Variants in RNF6 observed in about 807,000 individuals in gnomAD.
RNF6 encodes the protein ring finger protein 6.
A neutral mutation model predicts 50.1 loss-of-function variants in RNF6; 21 were observed. The observed-to-expected ratio is 0.42, with a 90% CI of 0.30 to 0.60. The LOEUF is 0.60. Ranked by LOEUF, RNF6 falls within the 20% of genes least tolerant of loss-of-function variation. The pLI is 0.20. For synonymous variants in RNF6, 255 were observed against 291.8 expected (o/e 0.87, Z 1.29); for missense variants, 698 against 838.2 (o/e 0.83, Z 2.07).
chr13:26,164,028 G>C (rs907571704), intron 5 of RNF6, among the ~76,000 whole-genome samples: 2 of 151,896 alleles, frequency 1.3e-5, no homozygotes, highest in African/African-American at 4.8e-5. Flanking sequence ...ATAATTCACT[G>C]GAAAAAATAC....
intron 5 of RNF6, among the ~76,000 whole-genome samples, chr13:26,157,926 A>G (rs56137727): frequency 1.4e-5 from 2 of 138,146 alleles, no homozygotes; most frequent in African/African-American, 2.9e-5. Context: ...ATGGATGGAT[A>G]GATGGATAGA....
intron 5 of RNF6, among the ~76,000 whole-genome samples, chr13:26,137,661 A>AC (rs1870722345): frequency 6.6e-6 from 1 of 151,086 alleles, no homozygotes; most frequent in African/African-American, 2.4e-5. Flanking sequence ...TATAAAAAAA[A>AC]AAAAAACAAA....
At chr13:26,200,155 A>G (rs955539880) in intron 5 of RNF6, among the ~76,000 whole-genome samples, 1 of 152,224 alleles carries the variant, frequency 6.6e-6, no homozygotes, top group Non-Finnish European at 1.5e-5. Context: ...TACCCAGTCT[A>G]TGGTATTCTG....
chr13:26,216,192 AGGTCT>A (rs1869855071), intron 4 of RNF6, among the ~76,000 whole-genome samples: 1 of 152,238 alleles, frequency 6.6e-6, no homozygotes, highest in Non-Finnish European at 1.5e-5. Context: ...AAGTTACTTA[AGGTCT>A]CTATGGCTGA....
At chr13:26,196,575 G>A (rs905039146) in intron 5 of RNF6, among the ~76,000 whole-genome samples, 9 of 152,120 alleles carry the variant, frequency 5.9e-5, no homozygotes, top group Middle Eastern at 3.4e-3. Flanking sequence ...GGAGGTTGCC[G>A]TGAGCAGAGA....
intron 5 of RNF6, among the ~76,000 whole-genome samples, chr13:26,206,457 T>C (rs571077670): frequency 6.6e-6 from 1 of 152,238 alleles, no homozygotes; most frequent in Non-Finnish European, 1.5e-5. Context: ...CTTGAACTGT[T>C]GAAGAACTCT....
Position 26,214,570 on chromosome 13 carries a change from T to C in RNF6, c.1312A>G (p.Ser438Gly), listed in dbSNP as rs765694604. The change falls in exon 5 of 5, where the codon AGT (serine) becomes GGT (glycine). Residue 438 changes from serine (S) to glycine (G), a missense_variant. Physicochemically the swap from Ser to Gly is moderately conservative, Grantham distance 56. Transcript: ENST00000381588. ...AENTVTIESN[S>G]GGFRRTISRL... is the part of the protein sequence containing the mutation. The stretch of plus-strand genomic sequence containing the variant: ...GAAATGGTTCGGCGAAAGCCCCCAC[T>C]ATTGCTTTCAATAGTGACTGTATTT... 8 of 1,614,072 alleles carry C rather than the reference T, an allele frequency of 5.0e-6. No individual in the cohort carries two copies. The East Asian group carries it at 8.9e-5, about 18-fold the overall frequency.
At chr13:26,160,932 G>A (rs114886374) in intron 5 of RNF6, among the ~76,000 whole-genome samples, 2,122 of 152,120 alleles carry the variant, frequency 0.014, 51 homozygotes, top group African/African-American at 0.047. Context: ...AGAATGGATC[G>A]GGGCTGACTT....
chr13:26,219,970 G>C (rs1418107065), intron 2 of RNF6, among the ~76,000 whole-genome samples: 1 of 152,164 alleles, frequency 6.6e-6, no homozygotes, highest in Non-Finnish European at 1.5e-5. Context: ...TTGACGATCT[G>C]GAAAAGTTGA....
In RNF6 at chr13:26,213,739, G is replaced by T; in HGVS notation, c.*85C>A. The stretch of plus-strand genomic sequence containing the variant: ...ATATAATCTGTTATTTTTCATCCTG[G>T]TTAGCTAATCACAAATAACTCAGCA... On this transcript the variant is annotated 3_prime_UTR_variant, in exon 5 of 5. Transcript: ENST00000381588. 3 of 1,099,018 alleles carry T rather than the reference G, an allele frequency of 2.7e-6. No homozygotes were observed. The highest frequency in any genetic ancestry group is 3.9e-6 in the Non-Finnish European group (3 of 771,206). 68.1% of individuals were successfully genotyped at this position (1,099,018 alleles called of 1,614,324 possible).
chr13:26,182,542 C>A (rs181082608), intron 5 of RNF6, among the ~76,000 whole-genome samples: 20 of 152,248 alleles, frequency 1.3e-4, no homozygotes, highest in Admixed American at 5.2e-4. Context: ...GCTGGGCATG[C>A]GGGCTTATGC....
intron 5 of RNF6, among the ~76,000 whole-genome samples, chr13:26,159,421 G>A (rs183913172): frequency 5.9e-5 from 9 of 151,980 alleles, no homozygotes; most frequent in Non-Finnish European, 7.4e-5. Context: ...TCAGCAGATC[G>A]AGACCATCCT....
intron 5 of RNF6, among the ~76,000 whole-genome samples, chr13:26,173,150 C>T (rs1231619575): frequency 6.6e-6 from 1 of 152,172 alleles, no homozygotes; most frequent in African/African-American, 2.4e-5. Context: ...TAAACGGATA[C>T]AACCATTGTA....
At chr13:26,181,733 C>T (rs529012096) in intron 5 of RNF6, among the ~76,000 whole-genome samples, 1 of 152,304 alleles carries the variant, frequency 6.6e-6, no homozygotes, top group Admixed American at 6.5e-5. Context: ...AGATAAAATG[C>T]TCCAATGCTT....
intron 5 of RNF6, among the ~76,000 whole-genome samples, chr13:26,182,908 T>C (rs1873309401): frequency 6.6e-6 from 1 of 152,218 alleles, no homozygotes; most frequent in African/African-American, 2.4e-5. Context: ...ATTTCTTTGG[T>C]GACCTTGAGT....
intron 5 of RNF6, among the ~76,000 whole-genome samples, chr13:26,190,089 T>C (rs575666603): frequency 1.6e-4 from 25 of 152,284 alleles, no homozygotes; most frequent in African/African-American, 5.3e-4. Flanking sequence ...AGGTAAATCT[T>C]TTCCTTGCCC....
At chr13:26,148,324 C>T (rs1293561542) in intron 5 of RNF6, among the ~76,000 whole-genome samples, 3 of 152,002 alleles carry the variant, frequency 2.0e-5, no homozygotes, top group Admixed American at 6.6e-5. Flanking sequence ...GACACAGATG[C>T]AAACCATGCC....
intron 2 of RNF6, among the ~76,000 whole-genome samples, chr13:26,220,004 C>G (rs1870311310): frequency 6.6e-6 from 1 of 152,180 alleles, no homozygotes; most frequent in Non-Finnish European, 1.5e-5. Context: ...ATTTATGTTT[C>G]AGGATCTGGG....
rs1402045916 is a variant in RNF6, at chr13:26,196,384, C to T, written n.768+19090G>A. On this transcript the variant is annotated intron_variant and non_coding_transcript_variant, in intron 5 of 5. Transcript: ENST00000468480. ...AACATTTTCAGGCCGGGTGTGGTGG[C>T]TCATGCCTGTAATCCCAGCACTTTG... is the stretch of plus-strand genomic sequence containing the variant. 5.3e-5 allele frequency among the ~76,000 whole-genome samples: 8 copies of T among 152,200 alleles called. No individual in the cohort carries two copies. In the East Asian group the frequency reaches 1.2e-3, roughly 22 times the overall value.
Sources: gnomAD v4.1 joint callset for allele counts (sites outside exome capture counted in the v4.1 genomes callset) on GRCh38, gnomAD v4.1.1 for gene constraint, MANE v1.5 for transcripts, NCBI Gene and HGNC (gene_info 2026-07-23, HGNC 2026-07-21) for gene names.